Variants in SORL1 observed in about 807,000 individuals in gnomAD.
The protein encoded by SORL1 is sortilin-related receptor.
SORL1 carries 127 observed loss-of-function variants against 273.7 expected under a neutral mutation model. That is an observed-to-expected ratio of 0.46 (90% CI 0.40 to 0.54). The LOEUF (loss-of-function observed/expected upper bound fraction) is 0.54, where lower values mean the gene tolerates loss of function less well. SORL1 is among the 20% of genes least tolerant of loss of function. SORL1 has a pLI of 0.00. For synonymous variants in SORL1, 1,031 were observed against 1,067.4 expected (o/e 0.97, Z 0.66); for missense variants, 2,494 against 2,846.1 (o/e 0.88, Z 2.81).
chr11:121,582,637 G>T (rs568754566), intron 25 of SORL1, among the ~76,000 whole-genome samples: 35 of 152,326 alleles, frequency 2.3e-4, no homozygotes, highest in Admixed American at 8.5e-4. Context: ...CAGCCCATGT[G>T]TGCAGAGGAG....
At position 121,570,358 on chromosome 11, in the gene SORL1, C is replaced by T. The variant is rs1052812218; in HGVS notation, c.3337+88C>T. The T allele has an allele frequency of 2.9e-5, 25 of 856,454 alleles. No homozygotes were observed. Among genetic ancestry groups the T allele is most frequent in the East Asian group, 9.9e-5 (4 of 40,502 alleles). The allele number at this position is 856,454 out of a possible 1,614,324, so 53.1% of individuals were successfully genotyped here. On this transcript the variant is annotated intron_variant, in intron 23 of 47. Coordinates refer to ENST00000260197, the MANE Select transcript of SORL1 (RefSeq NM_003105.6). Reference sequence around the variant, plus strand: ...CAGGCTGAGGGCCTAAGGTCTAGGGCGAGGGCCACCCATGATTGGTGATGC... The same window carrying T: ...CAGGCTGAGGGCCTAAGGTCTAGGGTGAGGGCCACCCATGATTGGTGATGC...
At chr11:121,612,399 T>C (rs1863579035) in intron 39 of SORL1, 2 of 207,392 alleles carry the variant, frequency 9.6e-6, no homozygotes, top group Non-Finnish European at 2.0e-5. Flanking sequence ...GATTTATCCT[T>C]AATTTCCATG....
At chr11:121,529,192 G>A (rs1862166823) in intron 11 of SORL1, among the ~76,000 whole-genome samples, 1 of 151,996 alleles carries the variant, frequency 6.6e-6, no homozygotes, top group Non-Finnish European at 1.5e-5. Context: ...AATAGTTACT[G>A]TAGCCTTCTT....
chr11:121,457,709 C>T (rs891120610), intron 1 of SORL1, among the ~76,000 whole-genome samples: 2 of 152,156 alleles, frequency 1.3e-5, no homozygotes, highest in African/African-American at 4.8e-5. Context: ...TGATGTAGCC[C>T]CCTTGTAACT....
At chr11:121,629,167 T>C (rs1863839363) in intron 47 of SORL1, 1 of 319,324 alleles carries the variant, frequency 3.1e-6, no homozygotes, top group Non-Finnish European at 5.8e-6. Flanking sequence ...AGGGTATAGA[T>C]AACTCAAACT....
At chr11:121,453,862 A>G (rs1029060390) in intron 1 of SORL1, among the ~76,000 whole-genome samples, 3 of 152,228 alleles carry the variant, frequency 2.0e-5, no homozygotes, top group Non-Finnish European at 4.4e-5. Context: ...GCTTGACTGC[A>G]GTCACCCTGT....
chr11:121,523,613 TA>T lies in SORL1; in HGVS notation c.1596+638del, dbSNP rs755456803. Among the ~76,000 whole-genome samples the T allele has an allele frequency of 5.6e-3, 790 of 141,306 alleles. 4 individuals carry two copies. The highest frequency in any genetic ancestry group is 0.018 in the Middle Eastern group (5 of 274). 92.7% of individuals were successfully genotyped at this position (141,306 alleles called of 152,430 possible). The stretch of plus-strand genomic sequence containing the variant: ...GGGCATTAGAGAATTTCCAAACTTG[TA>T]AAAAAAAAAAAAAGTTGTTGCCAGC... On this transcript the variant is annotated intron_variant, in intron 11 of 47. Coordinates refer to ENST00000260197, the MANE Select transcript of SORL1 (RefSeq NM_003105.6).
chr11:121,489,997 G>C, intron 4 of SORL1, 46 bp from the exon 5 acceptor site: 2 of 1,421,290 alleles, frequency 1.4e-6, no homozygotes, highest in Non-Finnish European at 2.0e-6. Flanking sequence ...TGCCATTCAG[G>C]TTGTATTATA....
rs1450228084 is a variant in SORL1, at chr11:121,550,859, G to C, written c.2266+189G>C. The stretch of plus-strand genomic sequence containing the variant: ...ACTGAACTTGTACATAGCCATACCC[G>C]TTTTTAGGAATGGAAAGTACTTTGT... On this transcript the variant is annotated intron_variant, in intron 16 of 47. Coordinates refer to ENST00000260197, the MANE Select transcript of SORL1 (RefSeq NM_003105.6). This position sits in a 1 kb window ranked among gnomAD's most constrained non-coding sequence, Gnocchi z 5.3. 1.3e-5 allele frequency among the ~76,000 whole-genome samples: 2 copies of C among 152,152 alleles called. No homozygotes were observed. Among genetic ancestry groups the C allele is most frequent in the African/African-American group, 4.8e-5 (2 of 41,440 alleles).
chr11:121,589,305 G>C lies in SORL1; in HGVS notation c.3993G>C (p.Gln1331His). 6.2e-7 allele frequency: 1 copy of C among 1,613,838 alleles called. No individual in the cohort carries two copies. The highest frequency in any genetic ancestry group is 8.5e-7 in the Non-Finnish European group (1 of 1,179,682). Reference sequence around the variant, plus strand: ...AGGTATGTGATGAGTTCGGTTTCCAGTGTCAGAATGGAGTGTGCATCAGTT... The same window carrying C: ...AGGTATGTGATGAGTTCGGTTTCCACTGTCAGAATGGAGTGTGCATCAGTT... ...FHKVCDEFGF[Q>H]CQNGVCISLI... The change falls in exon 29 of 48, where the codon CAG becomes CAC. Residue 1331 changes from glutamine to histidine, a missense_variant. Around this residue, in one of 3 missense-constraint regions of SORL1, gnomAD observed 1,609 missense variants for 1,816.4 expected, o/e 0.89. Transcript: ENST00000260197.
intron 11 of SORL1, among the ~76,000 whole-genome samples, chr11:121,524,813 A>C (rs1170250867): frequency 1.3e-5 from 2 of 152,128 alleles, no homozygotes; most frequent in Non-Finnish European, 1.5e-5. Flanking sequence ...GCACATATTT[A>C]AAGTGTACAG....
At chr11:121,453,258 C>T (rs976626733) in intron 1 of SORL1, among the ~76,000 whole-genome samples, 1 of 152,234 alleles carries the variant, frequency 6.6e-6, no homozygotes, top group South Asian at 2.1e-4. Flanking sequence ...GAGGAATACC[C>T]CTCATGGCAC....
chr11:121,564,792 C>G (rs370262358), intron 21 of SORL1, among the ~76,000 whole-genome samples: 2 of 151,850 alleles, frequency 1.3e-5, no homozygotes, highest in African/African-American at 4.8e-5. Flanking sequence ...AGGGTGGTCT[C>G]GAACTCCTGG....
In SORL1 at chr11:121,627,425, A is replaced by C. The variant is rs774706521; in HGVS notation, c.6365-130A>C. The C allele has an allele frequency of 1.0e-4, 73 of 731,416 alleles. No individual in the cohort carries two copies. The highest frequency in any genetic ancestry group is 2.2e-4 in the South Asian group (13 of 60,382). The allele number at this position is 731,416 out of a possible 1,614,324, so 45.3% of individuals were successfully genotyped here. ...CATCACGCACATGCAGAAACGTCTC[A>C]CACCAGACAGGCAGTTTGTGTAGCT... On this transcript the variant is annotated intron_variant, in intron 46 of 47. Transcript: ENST00000260197. This position sits in a 1 kb window ranked among gnomAD's most constrained non-coding sequence, Gnocchi z 4.9.
rs771472978 is a variant in SORL1, at chr11:121,583,537, G to A, written c.3660G>A (p.Gly1220=). The change falls in exon 26 of 48, where the codon GGG becomes GGA. Residue 1220 remains glycine (G), a synonymous_variant. Coordinates refer to ENST00000260197, the MANE Select transcript of SORL1 (RefSeq NM_003105.6). ...HCIPQRWACD[G]DTDCQDGSDE... is the part of the protein sequence containing the mutation. Reference sequence around the variant, plus strand: ...TCCCCCAGCGGTGGGCGTGTGACGGGGATACGGACTGCCAGGATGGTTCCG... The same window carrying A: ...TCCCCCAGCGGTGGGCGTGTGACGGAGATACGGACTGCCAGGATGGTTCCG... The A allele has an allele frequency of 6.2e-7, 1 of 1,612,700 alleles. No homozygotes were observed. Among genetic ancestry groups the A allele is most frequent in the Admixed American group, 1.7e-5 (1 of 59,866 alleles).
Position 121,595,112 on chromosome 11 carries a change from C to G in SORL1, c.4370-511C>G, listed in dbSNP as rs540853472. Among the ~76,000 whole-genome samples, 1 of 152,258 alleles carries G rather than the reference C, an allele frequency of 6.6e-6. No homozygotes were observed. Among genetic ancestry groups the G allele is most frequent in the African/African-American group, 2.4e-5 (1 of 41,558 alleles). ...ACCCTCCATTCTTCTATTGGGGTGA[C>G]GTATGGGTTGGTTGCCTCGTGGGAC... On this transcript the variant is annotated intron_variant, in intron 31 of 47. Coordinates refer to ENST00000260197, the MANE Select transcript of SORL1 (RefSeq NM_003105.6). The surrounding 1 kb of genome is among the most constrained non-coding windows in gnomAD (Gnocchi z 5.1).
chr11:121,556,516 T>C (rs535512765), intron 18 of SORL1, among the ~76,000 whole-genome samples: 4 of 152,208 alleles, frequency 2.6e-5, no homozygotes, highest in Non-Finnish European at 5.9e-5. Flanking sequence ...CTCCTTTCTT[T>C]AATTGCGTGT....
At chr11:121,545,450 T>TG (rs775282979) in intron 14 of SORL1, 21 bp downstream of exon 14, 1 of 1,611,832 alleles carries the variant, frequency 6.2e-7, no homozygotes, top group South Asian at 1.1e-5. Context: ...CTTTGATGGC[T>TG]GGGGACTGAG....
intron 47 of SORL1, chr11:121,629,273 A>G (rs1863840488): frequency 2.0e-6 from 1 of 512,188 alleles, no homozygotes; most frequent in East Asian, 3.0e-5. Context: ...TCAAACGACC[A>G]CTAAAATAAA....
Sources: allele counts gnomAD v4.1 joint callset (sites outside exome capture counted in the v4.1 genomes callset), GRCh38; gene constraint gnomAD v4.1.1; regional missense constraint gnomAD v4.1.1; non-coding constraint Gnocchi (gnomAD v3.1); transcripts MANE v1.5; gene names NCBI Gene and HGNC (gene_info 2026-07-23, HGNC 2026-07-21).